The following EYA2 variants were observed in gnomAD, a reference collection of about 807,000 sequenced individuals.
The protein encoded by EYA2 is EYA transcriptional coactivator and phosphatase 2.
A neutral mutation model predicts 69.2 loss-of-function variants in EYA2; 31 were observed. That is an observed-to-expected ratio of 0.45 (90% confidence interval 0.34 to 0.60). The LOEUF (loss-of-function observed/expected upper bound fraction) is 0.60. Among genes scored for constraint, EYA2 ranks in the 20% least tolerant of loss-of-function variants. The pLI is 0.02. For missense variants in EYA2, 622 were observed against 701.2 expected (o/e 0.89, Z 1.28); for synonymous variants, 257 against 279.4 (o/e 0.92, Z 0.80).
rs1180670988 is a variant in EYA2 at position 47,122,289 on chromosome 20, GTT to G, written c.889-20749_889-20748del. Among the ~76,000 whole-genome samples the G allele has an allele frequency of 5.0e-3, 550 of 110,818 alleles. 1 individual carries two copies. Among genetic ancestry groups the G allele is most frequent in the African/African-American group, 0.021 (517 of 25,146 alleles). 72.7% of individuals were successfully genotyped at this position (110,818 alleles called of 152,430 possible). The stretch of plus-strand genomic sequence containing the variant: ...GAAATGTTTCTTAGTTATTTTCTTG[GTT>G]TTTTTTTTTTTTTTTTTTTTGAGAT... On this transcript the variant is annotated intron_variant, in intron 9 of 15. Coordinates refer to ENST00000327619, the MANE Select transcript of EYA2 (RefSeq NM_005244.5).
At position 46,927,472 on chromosome 20, in the gene EYA2, A is replaced by T. The variant is rs575152173; in HGVS notation, c.-11+32485A>T. Reference sequence around the variant, plus strand: ...GACTAGGTAATTTATAAAGAAAAAGAGGTTTAATGGACTCACAGTTCCATG... The same window carrying T: ...GACTAGGTAATTTATAAAGAAAAAGTGGTTTAATGGACTCACAGTTCCATG... On this transcript the variant is annotated intron_variant, in intron 1 of 15. Coordinates refer to ENST00000327619, the MANE Select transcript of EYA2 (RefSeq NM_005244.5). Among the ~76,000 whole-genome samples the T allele has an allele frequency of 2.0e-5, 3 of 152,250 alleles. No individual in the cohort carries two copies. The East Asian group carries it at 5.8e-4, about 29-fold the overall frequency.
At chr20:46,996,633 G>A (rs1226015051) in intron 2 of EYA2, among the ~76,000 whole-genome samples, 1 of 152,076 alleles carries the variant, frequency 6.6e-6, no homozygotes, top group Non-Finnish European at 1.5e-5. Context: ...GGAGGCTTCG[G>A]GTCCATAAAG....
intron 5 of EYA2, among the ~76,000 whole-genome samples, chr20:47,039,181 A>G (rs565492586): frequency 3.3e-4 from 50 of 152,224 alleles, no homozygotes; most frequent in African/African-American, 1.2e-3. Flanking sequence ...GACCTAGACC[A>G]GGTGTAGGCT....
chr20:47,175,686 C>T (rs554103503), intron 12 of EYA2, among the ~76,000 whole-genome samples: 4 of 152,208 alleles, frequency 2.6e-5, no homozygotes, highest in Non-Finnish European at 5.9e-5. Context: ...GCTTGAAGCA[C>T]ACTTCCCAGC....
intron 4 of EYA2, among the ~76,000 whole-genome samples, chr20:47,009,569 A>AT (rs1259501804): frequency 6.6e-6 from 1 of 152,210 alleles, no homozygotes; most frequent in Non-Finnish European, 1.5e-5. Flanking sequence ...CCTCTCAAAG[A>AT]TTCCTGTGCC....
At chr20:46,959,348 T>A (rs1979328434) in intron 1 of EYA2, among the ~76,000 whole-genome samples, 1 of 151,994 alleles carries the variant, frequency 6.6e-6, no homozygotes, top group African/African-American at 2.4e-5. Flanking sequence ...TTGTTGGGGG[T>A]GGGGGCTGAT....
At chr20:46,996,199 A>G (rs117332171) in intron 2 of EYA2, among the ~76,000 whole-genome samples, 1,541 of 152,368 alleles carry the variant, frequency 0.01, 14 homozygotes, top group Middle Eastern at 0.024. Flanking sequence ...ACAATTGCAC[A>G]TAAGTATGCA....
chr20:47,052,618 C>A (rs1018606425), intron 5 of EYA2, among the ~76,000 whole-genome samples: 1 of 152,112 alleles, frequency 6.6e-6, no homozygotes, highest in Non-Finnish European at 1.5e-5. Flanking sequence ...CTGCTTCTTT[C>A]TTTTTATCTT....
chr20:46,926,478 G>T (rs1429296186), intron 1 of EYA2, among the ~76,000 whole-genome samples: 1 of 152,190 alleles, frequency 6.6e-6, no homozygotes, highest in Non-Finnish European at 1.5e-5. Context: ...CAATGAGACA[G>T]GAAAAGAAGG....
intron 1 of EYA2, among the ~76,000 whole-genome samples, chr20:46,928,803 C>T (rs1360371295): frequency 1.3e-5 from 2 of 152,182 alleles, no homozygotes; most frequent in East Asian, 3.8e-4. Context: ...AGTCAGGATG[C>T]AGATGGGGTG....
intron 9 of EYA2, among the ~76,000 whole-genome samples, chr20:47,119,094 C>T (rs957420314): frequency 1.3e-5 from 2 of 152,164 alleles, no homozygotes; most frequent in African/African-American, 2.4e-5. Flanking sequence ...TTTTCCTTTA[C>T]ACTTAACTAG....
intron 7 of EYA2, among the ~76,000 whole-genome samples, chr20:47,088,291 A>G (rs1234104447): frequency 6.6e-6 from 1 of 152,224 alleles, no homozygotes; most frequent in Non-Finnish European, 1.5e-5. Flanking sequence ...CAGGGAGAGG[A>G]AAGTAGAGAA....
intron 5 of EYA2, among the ~76,000 whole-genome samples, chr20:47,028,446 G>A (rs950673434): frequency 6.6e-6 from 1 of 152,182 alleles, no homozygotes; most frequent in African/African-American, 2.4e-5. Context: ...ACTATCAGAC[G>A]GATTTTCAAA....
chr20:46,990,507 C>A (rs1414003826), intron 2 of EYA2, among the ~76,000 whole-genome samples: 1 of 152,196 alleles, frequency 6.6e-6, no homozygotes, highest in Non-Finnish European at 1.5e-5. Context: ...TCCAAGCAGG[C>A]GTCTTGCTTA....
At chr20:47,069,842 A>G (rs2031247543) in intron 5 of EYA2, among the ~76,000 whole-genome samples, 1 of 137,086 alleles carries the variant, frequency 7.3e-6, no homozygotes, top group Non-Finnish European at 1.5e-5. Context: ...ATATATACAC[A>G]CATATACATA....
chr20:46,909,812 C>T (rs1600534741), intron 1 of EYA2, among the ~76,000 whole-genome samples: 1 of 152,286 alleles, frequency 6.6e-6, no homozygotes, highest in Middle Eastern at 3.4e-3. Flanking sequence ...TATAGGTATG[C>T]CTTCTCCACC....
At chr20:46,899,167 C>T (rs1380366710) in intron 1 of EYA2, among the ~76,000 whole-genome samples, 3 of 152,142 alleles carry the variant, frequency 2.0e-5, no homozygotes, top group East Asian at 3.9e-4. Context: ...ATGAAATCTA[C>T]GCTTTTGCTT....
intron 1 of EYA2, among the ~76,000 whole-genome samples, chr20:46,946,901 C>T (rs1331762525): frequency 6.6e-6 from 1 of 151,860 alleles, no homozygotes; most frequent in Non-Finnish European, 1.5e-5. Context: ...TTTGTTTGAT[C>T]CCCTAGAGCG....
At chr20:47,041,738 T>C (rs1018779374) in intron 5 of EYA2, among the ~76,000 whole-genome samples, 18 of 152,182 alleles carry the variant, frequency 1.2e-4, no homozygotes, top group Admixed American at 1.2e-3. Flanking sequence ...TTAGGATAGG[T>C]GCTCAGATTG....
Sources: gnomAD v4.1 joint callset for allele counts (sites outside exome capture counted in the v4.1 genomes callset) on GRCh38, gnomAD v4.1.1 for gene constraint, MANE v1.5 for transcripts, NCBI Gene and HGNC (gene_info 2026-07-23, HGNC 2026-07-21) for gene names.